TCERG1: variants seen among roughly 807,000 people sequenced by gnomAD.
TCERG1 encodes TATA box binding protein (TBP)-associated factor, RNA polymerase II, S, 150kD.
TCERG1 carries 37 observed loss-of-function variants against 144.7 expected under a neutral mutation model. The observed-to-expected ratio is 0.26, with a 90% confidence interval of 0.20 to 0.34. The LOEUF (loss-of-function observed/expected upper bound fraction) is 0.34. Ranked by LOEUF, TCERG1 falls within the 10% of genes least tolerant of loss-of-function variation. The pLI is 1.00. For synonymous variants in TCERG1, 492 were observed against 458.2 expected, an observed-to-expected ratio of 1.07 and a Z score of -0.94; for missense variants, 1,027 against 1,380.7, an observed-to-expected ratio of 0.74 and a Z score of 4.06.
In TCERG1 at chr5:146,504,185, TATTCAACAA is replaced by T. The variant is rs1401722677; in HGVS notation, c.2781+185_2781+193del. 3 of 528,200 alleles carry T rather than the reference TATTCAACAA, an allele frequency of 5.7e-6. No homozygotes were observed. In the African/African-American group the frequency reaches 5.9e-5, roughly 10 times the overall value. 32.7% of individuals were successfully genotyped at this position (528,200 alleles called of 1,614,324 possible). On this transcript the variant is annotated intron_variant, in intron 19 of 22. Coordinates refer to ENST00000679501, the MANE Select transcript of TCERG1 (RefSeq NM_001382548.1). The stretch of plus-strand genomic sequence containing the variant: ...TGTTAGTATAGGAAAAAACCCAAGT[TATTCAACAA>T]ATTCAGAAGTTAGGCATTTTGCATA...
chr5:146,461,728 A>C (rs1763346040), intron 4 of TCERG1, among the ~76,000 whole-genome samples: 1 of 152,122 alleles, frequency 6.6e-6, no homozygotes, highest in African/African-American at 2.4e-5. Context: ...ATAATATTTA[A>C]ATTTTAATTT....
intron 16 of TCERG1, among the ~76,000 whole-genome samples, chr5:146,494,123 T>G (rs1766669079): frequency 6.6e-6 from 1 of 152,022 alleles, no homozygotes; most frequent in South Asian, 2.1e-4. Context: ...AGTCCTGAGT[T>G]TTTTCTGAGT....
intron 15 of TCERG1, among the ~76,000 whole-genome samples, chr5:146,489,710 T>C (rs952877847): frequency 6.6e-6 from 1 of 152,216 alleles, no homozygotes; most frequent in African/African-American, 2.4e-5. Context: ...GTATAGCCCC[T>C]TAATATACAT....
intron 17 of TCERG1, among the ~76,000 whole-genome samples, chr5:146,501,342 T>A (rs1329343408): frequency 7.5e-6 from 1 of 133,210 alleles, no homozygotes; most frequent in East Asian, 6.7e-4. Context: ...ATTGTTCTCA[T>A]ACTGATAGCC....
At chr5:146,489,986 G>A (rs781205786) in intron 15 of TCERG1, among the ~76,000 whole-genome samples, 82 of 152,148 alleles carry the variant, frequency 5.4e-4, no homozygotes, top group Non-Finnish European at 5.7e-4. Context: ...GAGGGAATAC[G>A]AAGTTCTTTC....
At chr5:146,487,886 C>G (rs1313502688) in intron 15 of TCERG1, among the ~76,000 whole-genome samples, 9 of 152,208 alleles carry the variant, frequency 5.9e-5, no homozygotes, top group Admixed American at 2.6e-4. Context: ...CAGTACGGTA[C>G]TGGCATAAAA....
intron 9 of TCERG1, among the ~76,000 whole-genome samples, chr5:146,476,262 A>G (rs1255429328): frequency 6.6e-6 from 1 of 152,216 alleles, no homozygotes; most frequent in Non-Finnish European, 1.5e-5. Context: ...CTTGCCATTT[A>G]GATCTACCTG....
chr5:146,459,162 C>A lies in TCERG1; in HGVS notation c.717C>A (p.Ala239=). The part of the protein sequence containing the change: ...AQAQAQAQAQ[A]QAQVQAQVQA... ...CTCAGGCACAAGCTCAGGCCCAGGC[C>A]CAGGCTCAGGTCCAGGCCCAGGTCC... Residue 239 remains alanine (A), a synonymous_variant, in exon 4 of 23, where the codon GCC becomes GCA. Transcript: ENST00000679501. 2.5e-6 allele frequency: 4 copies of A among 1,612,000 alleles called. No homozygotes were observed. Among genetic ancestry groups the A allele is most frequent in the African/African-American group, 1.3e-5 (1 of 74,758 alleles).
intron 9 of TCERG1, 23 bp downstream of exon 9, chr5:146,471,599 A>G: frequency 1.3e-6 from 2 of 1,569,360 alleles, no homozygotes; most frequent in South Asian, 2.3e-5. Flanking sequence ...CTCAAGTAGT[A>G]ATTTTTTTTT....
chr5:146,486,279 C>G (rs556557574), intron 15 of TCERG1, among the ~76,000 whole-genome samples: 22 of 152,204 alleles, frequency 1.4e-4, no homozygotes, highest in African/African-American at 4.8e-4. Context: ...TTGTCCTTTT[C>G]TAGTTATTTG....
Position 146,459,300 on chromosome 5 carries a change from CACA to C in TCERG1, c.861_863del (p.Thr288del), listed in dbSNP as rs1161116015. The C allele has an allele frequency of 1.2e-6, 2 of 1,614,216 alleles. No individual in the cohort carries two copies. The highest frequency in any genetic ancestry group is 1.7e-6 in the Non-Finnish European group (2 of 1,180,024). On this transcript the variant is annotated inframe_deletion, in exon 4 of 23. Transcript: ENST00000679501. ...CCACCCCTTCCTCTACCACTTCTACCACAACAACTGCTACTTCAGTTGCGCAGA... is the reference window on the plus strand; with the variant it reads ...CCACCCCTTCCTCTACCACTTCTACCACAACTGCTACTTCAGTTGCGCAGA...
intron 19 of TCERG1, among the ~76,000 whole-genome samples, chr5:146,505,788 A>AT (rs1767931921): frequency 6.6e-6 from 1 of 151,044 alleles, no homozygotes; most frequent in Non-Finnish European, 1.5e-5. Flanking sequence ...TTTATTTTTT[A>AT]TTTTTTTGAG....
chr5:146,451,856 C>T (rs552269384), intron 1 of TCERG1, among the ~76,000 whole-genome samples: 259 of 150,650 alleles, frequency 1.7e-3, no homozygotes, highest in African/African-American at 6.2e-3. Flanking sequence ...GGTGCAATAT[C>T]GGCTCACTGC....
chr5:146,492,293 G>A (rs2150718466), intron 15 of TCERG1, among the ~76,000 whole-genome samples: 1 of 152,212 alleles, frequency 6.6e-6, no homozygotes, highest in African/African-American at 2.4e-5. Context: ...TATGTTGAGT[G>A]CTCTCATATC....
chr5:146,462,522 T>G (rs1183552998), intron 4 of TCERG1, among the ~76,000 whole-genome samples: 1 of 152,176 alleles, frequency 6.6e-6, no homozygotes, highest in East Asian at 1.9e-4. Flanking sequence ...TTACTAGGAA[T>G]GGGATGTTTT....
At chr5:146,484,598 A>G (rs1024360020) in intron 15 of TCERG1, among the ~76,000 whole-genome samples, 1 of 152,218 alleles carries the variant, frequency 6.6e-6, no homozygotes, top group African/African-American at 2.4e-5. Flanking sequence ...AGTACTTGGA[A>G]TAGAAAGACA....
intron 2 of TCERG1, 83 bp downstream of exon 2, chr5:146,455,364 TTAAA>T: frequency 6.9e-7 from 1 of 1,457,250 alleles, no homozygotes; most frequent in Non-Finnish European, 9.3e-7. Context: ...ACTTACATTC[TTAAA>T]TAGTTTCAGT....
At chr5:146,450,285 C>A (rs1762241110) in intron 1 of TCERG1, among the ~76,000 whole-genome samples, 1 of 152,124 alleles carries the variant, frequency 6.6e-6, no homozygotes, top group South Asian at 2.1e-4. Flanking sequence ...GAACTAGAGG[C>A]TGAGTAATGA....
Position 146,463,655 on chromosome 5 carries a change from C to T in TCERG1, c.997C>T (p.Pro333Ser). ...APTATPVQTV[P>S]QPHPQTLPPA... ...TACAGCCACACCTGTGCAAACCGTT[C>T]CCCAGCCGCACCCTCAGACGTTACC... Residue 333 changes from proline (P) to serine (S), a missense_variant, in exon 5 of 23, where the codon CCC becomes TCC. By Grantham distance (74) the Pro-to-Ser change is moderately conservative. Coordinates refer to ENST00000679501, the MANE Select transcript of TCERG1 (RefSeq NM_001382548.1). 6.2e-7 allele frequency: 1 copy of T among 1,614,192 alleles called. No individual in the cohort carries two copies. The highest frequency in any genetic ancestry group is 8.5e-7 in the Non-Finnish European group (1 of 1,180,036).
Sources: allele counts gnomAD v4.1 joint callset (sites outside exome capture counted in the v4.1 genomes callset), GRCh38; gene constraint gnomAD v4.1.1; transcripts MANE v1.5; gene names NCBI Gene and HGNC (gene_info 2026-07-23, HGNC 2026-07-21).